The following SHPRH variants were observed in gnomAD, a reference collection of about 807,000 sequenced individuals.
The protein encoded by SHPRH is E3 ubiquitin-protein ligase SHPRH.
A neutral mutation model predicts 202.5 loss-of-function variants in SHPRH; 106 were observed. The observed-to-expected ratio is 0.52, with a 90% CI of 0.45 to 0.62. SHPRH has a LOEUF of 0.62. Ranked by LOEUF, SHPRH falls within the 20% of genes least tolerant of loss-of-function variation. The pLI is 0.00. For synonymous variants in SHPRH, 729 were observed against 686.0 expected, an observed-to-expected ratio of 1.06 and a Z score of -0.98; for missense variants, 1,710 against 2,020.0, an observed-to-expected ratio of 0.85 and a Z score of 2.94.
In SHPRH at chr6:145,867,625, TATATATAGAGAGAGAGAGAGAG is replaced by T. The variant is rs1410065984; in HGVS notation, c.222-3156_222-3135del. On this transcript the variant is annotated intron_variant, in intron 2 of 2. Coordinates refer to the SHPRH transcript ENST00000417762. ...ATATATATATATATATATATATATA[TATATATAGAGAGAGAGAGAGAG>T]AGAGAGAGAGAGAGAGAGAGAGAGA... 9.6e-4 allele frequency among the ~76,000 whole-genome samples: 61 copies of T among 63,406 alleles called. 1 individual carries two copies. The highest frequency in any genetic ancestry group is 5.5e-3 in the East Asian group (11 of 2,018). The allele number at this position is 63,406 out of a possible 152,430, so 41.6% of individuals were successfully genotyped here.
intron 2 of SHPRH, 148 bp downstream of exon 2, chr6:145,954,542 G>T: frequency 2.6e-6 from 2 of 770,486 alleles, no homozygotes; most frequent in South Asian, 2.1e-5. Context: ...AACATACTTT[G>T]AATAGTTATT....
rs1174569218 is a variant in SHPRH at position 145,948,313 on chromosome 6, T to C, written c.1020A>G (p.Thr340=). The stretch of plus-strand genomic sequence containing the variant: ...TATAGTAGAGTTTCAGACCCTCAGA[T>C]GTAACAATCTCTCGCCATAAGAAGT... ...ALHFLWREIV[T]SEGLKLYYNP... is the part of the protein sequence containing the mutation. The change falls in exon 5 of 30, where the codon ACA becomes ACG. Residue 340 remains threonine, a synonymous_variant. Coordinates refer to ENST00000275233, the MANE Select transcript of SHPRH (RefSeq NM_001042683.3). The C allele has an allele frequency of 1.7e-5, 27 of 1,605,992 alleles. No homozygotes were observed. The highest frequency in any genetic ancestry group is 2.2e-5 in the East Asian group (1 of 44,630).
At chr6:145,905,194 T>G (rs1034583233) in intron 25 of SHPRH, 1 of 152,226 alleles carries the variant, frequency 6.6e-6, no homozygotes, top group Non-Finnish European at 1.5e-5. Flanking sequence ...AGGCCATCTG[T>G]GGCCCTTGAG....
chr6:145,895,243 G>A (rs2247211), intron 25 of SHPRH, among the ~76,000 whole-genome samples: 68,490 of 151,820 alleles, frequency 0.45, 15,931 homozygotes, highest in African/African-American at 0.54. Flanking sequence ...CCTGAACATA[G>A]GATCTTTTAG....
chr6:145,957,852 T>C (rs1198638594), intron 1 of SHPRH, among the ~76,000 whole-genome samples: 2 of 152,112 alleles, frequency 1.3e-5, no homozygotes, highest in East Asian at 3.8e-4. Context: ...AATCAAAACA[T>C]AAATCCACAA....
At chr6:145,946,742 CA>C (rs893007564) in intron 6 of SHPRH, among the ~76,000 whole-genome samples, 10 of 149,842 alleles carry the variant, frequency 6.7e-5, no homozygotes, top group Admixed American at 5.4e-4. Flanking sequence ...ACAAAAAAAA[CA>C]TTTTTTTTTT....
intron 2 of SHPRH, among the ~76,000 whole-genome samples, chr6:145,954,444 A>C (rs1181311565): frequency 6.6e-6 from 1 of 152,176 alleles, no homozygotes; most frequent in Non-Finnish European, 1.5e-5. Context: ...TGCTGCAGTA[A>C]GAGGAACTGA....
intron 25 of SHPRH, among the ~76,000 whole-genome samples, chr6:145,896,230 T>C (rs1428231819): frequency 1.3e-5 from 2 of 152,118 alleles, no homozygotes; most frequent in South Asian, 2.1e-4. Context: ...TCAAGTGTAC[T>C]TGCAAGATTA....
chr6:145,933,170 G>C lies in SHPRH; in HGVS notation c.2999C>G (p.Thr1000Arg). 3 of 1,613,842 alleles carry C rather than the reference G, an allele frequency of 1.9e-6. No homozygotes were observed. The highest frequency in any genetic ancestry group is 2.5e-6 in the Non-Finnish European group (3 of 1,179,888). The change falls in exon 14 of 30, where the codon ACA (threonine) becomes AGA (arginine). Residue 1000 changes from threonine (T) to arginine (R), a missense_variant. Coordinates refer to ENST00000275233, the MANE Select transcript of SHPRH (RefSeq NM_001042683.3). ...EFLPLQKSTM[T>R]MEELLTSLQK... ...CAAAGATGTCAGCAGCTCTTCCATT[G>C]TCATGGTGCTAAAAGAAAAGGTAGA...
intron 1 of SHPRH, among the ~76,000 whole-genome samples, chr6:145,957,569 C>T (rs1172603442): frequency 6.6e-6 from 1 of 151,924 alleles, no homozygotes; most frequent in Non-Finnish European, 1.5e-5. Flanking sequence ...CAAAGATGAC[C>T]TATAAGTGTA....
chr6:145,938,057 T>C (rs753588306), intron 11 of SHPRH, among the ~76,000 whole-genome samples: 1 of 152,226 alleles, frequency 6.6e-6, no homozygotes, highest in Non-Finnish European at 1.5e-5. Flanking sequence ...GTATGTACTT[T>C]TGCTCATCAT....
At chr6:145,860,289 T>G (rs529031712), downstream of SHPRH, among the ~76,000 whole-genome samples, 80 of 152,110 alleles carry the variant, frequency 5.3e-4, no homozygotes, top group African/African-American at 1.9e-3. Flanking sequence ...AACTAATAAG[T>G]GAACTCAGTA....
rs1413599685 is a variant in SHPRH at position 145,941,753 on chromosome 6, C to G, written c.2360G>C (p.Ser787Thr). The G allele has an allele frequency of 1.9e-6, 3 of 1,613,898 alleles. No homozygotes were observed. The stretch of plus-strand genomic sequence containing the variant: ...TAGGCGACGCCCATCCTCACTATTG[C>G]TATGTGGGATATCGACATAATTTAA... ...SELNYVDIPHSNSEDGRRLRN... is the reference protein window; with the variant it reads ...SELNYVDIPHTNSEDGRRLRN... Residue 787 changes from serine to threonine, a missense_variant, in exon 10 of 30, where the codon AGC becomes ACC. By Grantham distance (58) the Ser-to-Thr change is moderately conservative. Coordinates refer to ENST00000275233, the MANE Select transcript of SHPRH (RefSeq NM_001042683.3).
intron 2 of SHPRH, among the ~76,000 whole-genome samples, chr6:145,869,065 T>C (rs748371763): frequency 2.6e-5 from 4 of 152,202 alleles, no homozygotes; most frequent in Non-Finnish European, 5.9e-5. Context: ...TGTCAGTGTT[T>C]TAGATTTTGG....
chr6:145,892,974 G>T (rs900611499), intron 28 of SHPRH, among the ~76,000 whole-genome samples: 3 of 151,816 alleles, frequency 2.0e-5, no homozygotes, highest in African/African-American at 7.3e-5. Context: ...GAAAAAAATT[G>T]GGACAATTTG....
intron 4 of SHPRH, among the ~76,000 whole-genome samples, chr6:145,949,780 C>T (rs1013651758): frequency 6.6e-6 from 1 of 152,010 alleles, no homozygotes; most frequent in African/African-American, 2.4e-5. Context: ...CTACTACTTT[C>T]ATAAAAATAC....
Position 145,924,763 on chromosome 6 carries a change from C to G in SHPRH, c.3378G>C (p.Gln1126His). The G allele has an allele frequency of 6.2e-7, 1 of 1,611,758 alleles. No homozygotes were observed. Among genetic ancestry groups the G allele is most frequent in the Non-Finnish European group, 8.5e-7 (1 of 1,178,394 alleles). ...CCTTTCTTTGAAGCTCATGGATGGT[C>G]TGCTGCACAGGATATAAAGCTTGCT... is the stretch of plus-strand genomic sequence containing the variant. ...EAQQALYPVQ[Q>H]TIHELQRKIH... is the part of the protein sequence containing the mutation. The change falls in exon 17 of 30, where the codon CAG (glutamine) becomes CAC (histidine). Residue 1126 changes from glutamine (Q) to histidine (H), a missense_variant. Gln to His is a conservative substitution (Grantham distance 24). Around this residue, in one of 8 missense-constraint regions of SHPRH, gnomAD observed 288 missense variants for 317.8 expected, o/e 0.91. Coordinates refer to ENST00000275233, the MANE Select transcript of SHPRH (RefSeq NM_001042683.3).
chr6:145,889,328 G>C (rs555674646), intron 28 of SHPRH, among the ~76,000 whole-genome samples: 1 of 152,256 alleles, frequency 6.6e-6, no homozygotes, highest in African/African-American at 2.4e-5. Flanking sequence ...AACCAGACAG[G>C]TTGACAGAGA....
chr6:145,941,947 A>C, intron 9 of SHPRH, 73 bp from the exon 10 acceptor site: 1 of 1,540,722 alleles, frequency 6.5e-7, no homozygotes, highest in Non-Finnish European at 8.8e-7. Flanking sequence ...ACTCATTTAT[A>C]CCCTTACTAA....
Sources: allele counts gnomAD v4.1 joint callset (sites outside exome capture counted in the v4.1 genomes callset), GRCh38; gene constraint gnomAD v4.1.1; regional missense constraint gnomAD v4.1.1; transcripts MANE v1.5; gene names NCBI Gene and HGNC (gene_info 2026-07-23, HGNC 2026-07-21).